PRELID2: variants seen among roughly 807,000 people sequenced by gnomAD.
PRELID2 encodes the protein PRELI domain-containing protein 2.
A neutral mutation model predicts 28.4 loss-of-function variants in PRELID2; 25 were observed. That is an observed-to-expected ratio of 0.88 (90% confidence interval 0.64 to 1.23). The LOEUF is 1.23. PRELID2 is among the 50% of genes most tolerant of loss of function. The pLI, the probability that PRELID2 is intolerant of heterozygous loss-of-function variation, is 0.00. For missense variants in PRELID2, 201 were observed against 214.4 expected, an observed-to-expected ratio of 0.94 and a Z score of 0.39; for synonymous variants, 76 against 71.6, an observed-to-expected ratio of 1.06 and a Z score of -0.31.
intron 1 of PRELID2, among the ~76,000 whole-genome samples, chr5:145,626,305 A>G (rs985409070): frequency 7.9e-5 from 12 of 152,340 alleles, no homozygotes; most frequent in African/African-American, 2.6e-4. Flanking sequence ...AGTATCCAGA[A>G]TCTACAAGGA....
At chr5:145,472,509 G>A (rs977619667) in intron 2 of PRELID2, among the ~76,000 whole-genome samples, 1 of 152,084 alleles carries the variant, frequency 6.6e-6, no homozygotes, top group African/African-American at 2.4e-5. Context: ...GAATACAGGA[G>A]GAGAAAGCTT....
the PRELID2 span, among the ~76,000 whole-genome samples, chr5:145,339,657 G>A: frequency 6.6e-6 from 1 of 152,108 alleles, no homozygotes; most frequent in Non-Finnish European, 1.5e-5. Flanking sequence ...ACATTCCCAT[G>A]CACTCTGAGA....
chr5:145,549,376 A>T, intron 1 of PRELID2, among the ~76,000 whole-genome samples: 1 of 152,358 alleles, frequency 6.6e-6, no homozygotes, highest in Middle Eastern at 3.4e-3. Flanking sequence ...TGATCCAGGT[A>T]GTATATTTAG....
chr5:145,540,043 A>G (rs1342905678), intron 1 of PRELID2, among the ~76,000 whole-genome samples: 1 of 151,936 alleles, frequency 6.6e-6, no homozygotes, highest in African/African-American at 2.4e-5. Flanking sequence ...GTAAGTGAAA[A>G]TATACCTCTT....
At chr5:145,750,760 T>A (rs1347269562) in intron 1 of PRELID2, among the ~76,000 whole-genome samples, 2 of 152,206 alleles carry the variant, frequency 1.3e-5, no homozygotes, top group African/African-American at 4.8e-5. Context: ...TCTGAGAGAA[T>A]AAACCAGAAA....
In PRELID2 at chr5:145,681,184, C is replaced by T. The variant is rs556621243; in HGVS notation, n.70+83747G>A. Among the ~76,000 whole-genome samples, 577 of 152,278 alleles carry T rather than the reference C, an allele frequency of 3.8e-3. 1 individual carries two copies. The highest frequency in any genetic ancestry group is 0.013 in the African/African-American group (541 of 41,556). Reference sequence around the variant, plus strand: ...GCCACTTCCAAAATCGTAATGTCCACAGTAGGCAGGAAACAGGGAGGCACG... The same window carrying T: ...GCCACTTCCAAAATCGTAATGTCCATAGTAGGCAGGAAACAGGGAGGCACG... On this transcript the variant is annotated intron_variant and non_coding_transcript_variant, in intron 1 of 2. Transcript: ENST00000510259.
intron 1 of PRELID2, among the ~76,000 whole-genome samples, chr5:145,627,385 G>A (rs1753863999): frequency 6.6e-6 from 1 of 151,734 alleles, no homozygotes; most frequent in Admixed American, 6.6e-5. Flanking sequence ...GAAGGGGGTG[G>A]GTACAATGTA....
At chr5:145,688,996 T>C (rs1402884642) in intron 1 of PRELID2, among the ~76,000 whole-genome samples, 1 of 152,178 alleles carries the variant, frequency 6.6e-6, no homozygotes, top group Non-Finnish European at 1.5e-5. Context: ...ATTGGACAAT[T>C]GGGAGATCCA....
chr5:145,592,774 C>T (rs575303385), intron 1 of PRELID2, among the ~76,000 whole-genome samples: 20 of 152,136 alleles, frequency 1.3e-4, no homozygotes, highest in African/African-American at 4.6e-4. Flanking sequence ...TATAAAATAA[C>T]ATTTAATGTA....
At chr5:145,631,565 T>C (rs1753933211) in intron 1 of PRELID2, among the ~76,000 whole-genome samples, 1 of 152,144 alleles carries the variant, frequency 6.6e-6, no homozygotes, top group African/African-American at 2.4e-5. Context: ...TGTCTGCCCC[T>C]ATTGAAATGT....
At chr5:145,737,161 C>A (rs1248525491) in intron 1 of PRELID2, among the ~76,000 whole-genome samples, 1 of 151,902 alleles carries the variant, frequency 6.6e-6, no homozygotes, top group African/African-American at 2.4e-5. Context: ...CAAGTTGGGA[C>A]CAATTCTTGC....
At chr5:145,550,941 T>C (rs1228963254) in intron 1 of PRELID2, among the ~76,000 whole-genome samples, 2 of 152,208 alleles carry the variant, frequency 1.3e-5, no homozygotes, top group African/African-American at 2.4e-5. Context: ...GTAATTTGAA[T>C]GGTAAATACC....
the PRELID2 span, among the ~76,000 whole-genome samples, chr5:145,309,099 T>A: frequency 8.3e-6 from 1 of 119,934 alleles, no homozygotes; most frequent in Non-Finnish European, 1.7e-5. Flanking sequence ...AGTGGTCAAG[T>A]CATAATAGAG....
chr5:145,717,584 A>G lies in PRELID2; in HGVS notation n.70+47347T>C, dbSNP rs187076780. Among the ~76,000 whole-genome samples, 477 of 151,870 alleles carry G rather than the reference A, an allele frequency of 3.1e-3. 1 individual carries two copies. Among genetic ancestry groups the G allele is most frequent in the African/African-American group, 0.011 (440 of 41,468 alleles). On this transcript the variant is annotated intron_variant and non_coding_transcript_variant, in intron 1 of 2. Transcript: ENST00000510259. Reference sequence around the variant, plus strand: ...TGGAAATATGTAAGACAATAAAGGGAGTTTCTTTCTGCCTAGTTCTATTTC... The same window carrying G: ...TGGAAATATGTAAGACAATAAAGGGGGTTTCTTTCTGCCTAGTTCTATTTC...
chr5:145,229,190 C>A, the PRELID2 span: 5 of 865,618 alleles, frequency 5.8e-6, no homozygotes, highest in Admixed American at 1.7e-5. Context: ...ACGATCAGGT[C>A]CAGTTTGAGC....
At chr5:145,574,085 C>G (rs769620571) in intron 1 of PRELID2, among the ~76,000 whole-genome samples, 1 of 152,050 alleles carries the variant, frequency 6.6e-6, no homozygotes, top group Non-Finnish European at 1.5e-5. Flanking sequence ...TGAGTGGACC[C>G]AATGCAATCA....
At chr5:145,657,806 C>T in intron 1 of PRELID2, among the ~76,000 whole-genome samples, 1 of 152,170 alleles carries the variant, frequency 6.6e-6, no homozygotes, top group East Asian at 1.9e-4. Flanking sequence ...GTTACTTCTC[C>T]AAAAGGGAGA....
the PRELID2 span, among the ~76,000 whole-genome samples, chr5:145,329,551 G>A: frequency 1.3e-5 from 2 of 152,152 alleles, no homozygotes; most frequent in African/African-American, 4.8e-5. Context: ...AATTGTGAAT[G>A]GAAGTTCACT....
At chr5:145,739,001 G>C (rs1345969837) in intron 1 of PRELID2, among the ~76,000 whole-genome samples, 1 of 152,118 alleles carries the variant, frequency 6.6e-6, no homozygotes, top group Non-Finnish European at 1.5e-5. Context: ...AGAAACCATG[G>C]AGGCTACAGG....
Sources: gnomAD v4.1 joint callset for allele counts (sites outside exome capture counted in the v4.1 genomes callset) on GRCh38, gnomAD v4.1.1 for gene constraint, MANE v1.5 for transcripts, NCBI Gene and HGNC (gene_info 2026-07-23, HGNC 2026-07-21) for gene names.